Variants in GALNT13 observed in about 807,000 individuals in gnomAD.
GALNT13 encodes the protein UDP-GalNAc:polypeptide N-acetylgalactosaminyltransferase 13.
In GALNT13, 28 loss-of-function variants were observed where a neutral mutation model predicts 64.2. The ratio of observed to expected loss-of-function variants is 0.44; its 90% CI spans 0.32 to 0.60. The LOEUF is 0.60. Ranked by LOEUF, GALNT13 falls within the 20% of genes least tolerant of loss-of-function variation. The pLI, the probability that GALNT13 is intolerant of heterozygous loss-of-function variation, is 0.05. For synonymous variants in GALNT13, 214 were observed against 224.6 expected, an observed-to-expected ratio of 0.95 and a Z score of 0.42; for missense variants, 577 against 669.8, an observed-to-expected ratio of 0.86 and a Z score of 1.53.
chr2:153,782,109 C>T, the GALNT13 span, among the ~76,000 whole-genome samples: 1 of 152,160 alleles, frequency 6.6e-6, no homozygotes, highest in Non-Finnish European at 1.5e-5. Context: ...CCTAGTACCT[C>T]AGAATGTGAC....
At chr2:153,333,352 T>C in the GALNT13 span, among the ~76,000 whole-genome samples, 1 of 152,160 alleles carries the variant, frequency 6.6e-6, no homozygotes, top group Non-Finnish European at 1.5e-5. Flanking sequence ...GAGGTGCTCT[T>C]CCTCTCTCAT....
chr2:153,506,655 T>G, the GALNT13 span, among the ~76,000 whole-genome samples: 1 of 152,216 alleles, frequency 6.6e-6, no homozygotes, highest in Non-Finnish European at 1.5e-5. Context: ...TTAAGGAGGC[T>G]AAAGATAGGA....
chr2:154,177,497 G>C (rs1240144060), intron 4 of GALNT13, among the ~76,000 whole-genome samples: 2 of 152,024 alleles, frequency 1.3e-5, no homozygotes, highest in Admixed American at 6.6e-5. Context: ...TTATCCAATG[G>C]TGAATCCATA....
chr2:153,955,439 G>A (rs1808985), intron 3 of GALNT13, among the ~76,000 whole-genome samples: 1 of 152,290 alleles, frequency 6.6e-6, no homozygotes, highest in African/African-American at 2.4e-5. Flanking sequence ...ACCAGGAGAA[G>A]CATCTTGCCT....
chr2:153,888,414 AGTATT>A (rs1687330735), intron 1 of GALNT13, among the ~76,000 whole-genome samples: 1 of 152,012 alleles, frequency 6.6e-6, no homozygotes, highest in African/African-American at 2.4e-5. Context: ...GTTATTAAAT[AGTATT>A]GTATTTATCT....
At chr2:153,409,049 C>T in the GALNT13 span, among the ~76,000 whole-genome samples, 18 of 152,214 alleles carry the variant, frequency 1.2e-4, no homozygotes, top group African/African-American at 3.1e-4. Flanking sequence ...CCAAGTTCTT[C>T]GGCTTTTAGG....
At chr2:153,812,356 C>A in the GALNT13 span, among the ~76,000 whole-genome samples, 1 of 151,954 alleles carries the variant, frequency 6.6e-6, no homozygotes, top group Non-Finnish European at 1.5e-5. Context: ...GTTTTTGTTT[C>A]CTTTATTCTT....
chr2:153,990,572 C>T (rs1340395806), intron 3 of GALNT13, among the ~76,000 whole-genome samples: 3 of 152,084 alleles, frequency 2.0e-5, no homozygotes, highest in Non-Finnish European at 2.9e-5. Context: ...AAGGGAATTA[C>T]GCTCTTTGAG....
At chr2:153,191,731 A>T in the GALNT13 span, among the ~76,000 whole-genome samples, 3 of 150,162 alleles carry the variant, frequency 2.0e-5, no homozygotes, top group African/African-American at 4.9e-5. Flanking sequence ...AAACCGATTC[A>T]ATGTTGTTAC....
At chr2:153,303,718 C>A in the GALNT13 span, among the ~76,000 whole-genome samples, 1 of 151,998 alleles carries the variant, frequency 6.6e-6, no homozygotes, top group African/African-American at 2.4e-5. Context: ...TGTTGAGGTA[C>A]ATTCCTTCTA....
At chr2:154,126,738 G>C (rs1682300811) in intron 3 of GALNT13, among the ~76,000 whole-genome samples, 2 of 152,102 alleles carry the variant, frequency 1.3e-5, no homozygotes, top group South Asian at 4.1e-4. Context: ...AATTCTGTAA[G>C]ATGTATATGT....
the GALNT13 span, among the ~76,000 whole-genome samples, chr2:153,192,971 C>T: frequency 0.66 from 99,836 of 151,774 alleles, 32,955 homozygotes; most frequent in East Asian, 0.82. Context: ...AAGCAGAATA[C>T]TTAATCCATT....
At chr2:154,425,357 A>G (rs1265544744) in intron 11 of GALNT13, among the ~76,000 whole-genome samples, 1 of 152,214 alleles carries the variant, frequency 6.6e-6, no homozygotes, top group Admixed American at 6.6e-5. Flanking sequence ...TCTAGGTGTC[A>G]TGTGAATGAT....
At chr2:153,853,735 A>G in the GALNT13 span, among the ~76,000 whole-genome samples, 3 of 150,110 alleles carry the variant, frequency 2.0e-5, no homozygotes, top group African/African-American at 7.3e-5. Context: ...ATTGTATTAT[A>G]CAATTGTATA....
intron 2 of GALNT13, among the ~76,000 whole-genome samples, chr2:153,933,110 A>G (rs935877487): frequency 1.3e-5 from 2 of 152,128 alleles, no homozygotes; most frequent in Admixed American, 6.6e-5. Flanking sequence ...TAAGGGATGA[A>G]GAGTTCTGTA....
chr2:153,468,600 T>C, the GALNT13 span, among the ~76,000 whole-genome samples: 1 of 152,258 alleles, frequency 6.6e-6, no homozygotes, highest in Non-Finnish European at 1.5e-5. Flanking sequence ...TTATGTATTG[T>C]TATTGTTTAA....
At chr2:153,544,933 C>G in the GALNT13 span, among the ~76,000 whole-genome samples, 2 of 152,084 alleles carry the variant, frequency 1.3e-5, no homozygotes, top group Non-Finnish European at 2.9e-5. Flanking sequence ...ATATCCTCTT[C>G]CAACAGCTTA....
At chr2:153,962,357 G>A (rs1234416754) in intron 3 of GALNT13, among the ~76,000 whole-genome samples, 2 of 152,142 alleles carry the variant, frequency 1.3e-5, no homozygotes, top group Admixed American at 6.5e-5. Flanking sequence ...GGAGTATGTG[G>A]AATGAATCAG....
intron 3 of GALNT13, among the ~76,000 whole-genome samples, chr2:154,022,129 A>T (rs1194228479): frequency 3.3e-5 from 5 of 152,186 alleles, no homozygotes; most frequent in African/African-American, 1.2e-4. Flanking sequence ...GGATTTTTGC[A>T]TCGATGTTCA....
Sources: allele counts gnomAD v4.1 joint callset (sites outside exome capture counted in the v4.1 genomes callset), GRCh38; gene constraint gnomAD v4.1.1; transcripts MANE v1.5; gene names NCBI Gene and HGNC (gene_info 2026-07-23, HGNC 2026-07-21).